ANKRD62: variants seen among roughly 807,000 people sequenced by gnomAD.
ANKRD62 encodes ankyrin repeat domain-containing protein 62.
In ANKRD62, 61 loss-of-function variants were observed where a neutral mutation model predicts 98.8. The ratio of observed to expected loss-of-function variants is 0.62; its 90% CI spans 0.50 to 0.76. The LOEUF is 0.76. Ranked by LOEUF, ANKRD62 falls within the 30% of genes least tolerant of loss-of-function variation. The pLI is 0.00. For missense variants in ANKRD62, 933 were observed against 1,082.9 expected, an observed-to-expected ratio of 0.86 and a Z score of 1.94; for synonymous variants, 341 against 367.9, an observed-to-expected ratio of 0.93 and a Z score of 0.84.
In ANKRD62 at chr18:12,094,109, G is replaced by A. The variant is rs1270987209; in HGVS notation, c.92G>A (p.Gly31Glu). 2.6e-6 allele frequency: 4 copies of A among 1,534,414 alleles called. No homozygotes were observed. In the Admixed American group the frequency reaches 7.9e-5, roughly 30 times the overall value. Residue 31 changes from glycine (G) to glutamate (E), a missense_variant, in exon 1 of 14, where the codon GGG becomes GAG. By Grantham distance (98) the Gly-to-Glu change is moderately conservative (BLOSUM62 -2). Around this residue, in one of 3 missense-constraint regions of ANKRD62, gnomAD observed 549 missense variants for 587.9 expected, o/e 0.93. Transcript: ENST00000587848. Reference protein sequence around the residue: ...NRDKDGFSNPGYRVRQKDLGM... With the variant: ...NRDKDGFSNPEYRVRQKDLGM... ...GACAAGGATGGCTTCTCAAATCCCG[G>A]GTACCGAGTCCGGCAGAAGGATCTG...
chr18:12,163,830 A>G, the ANKRD62 span, among the ~76,000 whole-genome samples: 1 of 152,044 alleles, frequency 6.6e-6, no homozygotes, highest in Non-Finnish European at 1.5e-5. Context: ...TGATTTGCAT[A>G]TGTTGAACCA....
In ANKRD62 at chr18:12,103,200, T is replaced by C. The variant is rs777301351; in HGVS notation, c.863T>C (p.Leu288Pro). 1.5e-6 allele frequency: 2 copies of C among 1,368,730 alleles called. No homozygotes were observed. The highest frequency in any genetic ancestry group is 4.3e-4 in the Middle Eastern group (2 of 4,696). The allele number at this position is 1,368,730 out of a possible 1,614,324, so 84.8% of individuals were successfully genotyped here. A position where few individuals can be genotyped will look rare whatever the true frequency, so the allele number is the denominator to read the frequency against. Reference sequence around the variant, plus strand: ...ACATCAGAGGGAGAGCAAGAAAGGCTTGAAGGATGTGAAAGTAGCCAGCCA... The same window carrying C: ...ACATCAGAGGGAGAGCAAGAAAGGCCTGAAGGATGTGAAAGTAGCCAGCCA... The part of the protein sequence containing the change: ...EMTSEGEQER[L>P]EGCESSQPQV... Residue 288 changes from leucine to proline, a missense_variant, in exon 7 of 14, where the codon CTT becomes CCT. Coordinates refer to ENST00000587848, the MANE Select transcript of ANKRD62 (RefSeq NM_001277333.2).
chr18:12,164,075 G>C, the ANKRD62 span, among the ~76,000 whole-genome samples: 1 of 151,926 alleles, frequency 6.6e-6, no homozygotes. Flanking sequence ...GGTTTGAGTA[G>C]GATTGGTATT....
chr18:12,102,129 A>G (rs1909312547), intron 6 of ANKRD62: 3 of 1,298,628 alleles, frequency 2.3e-6, no homozygotes, highest in South Asian at 1.2e-5. Flanking sequence ...CCCCATGAAC[A>G]TAGTCAGTAA....
the ANKRD62 span, among the ~76,000 whole-genome samples, chr18:12,146,573 G>A: frequency 3.9e-5 from 6 of 152,206 alleles, no homozygotes; most frequent in African/African-American, 1.4e-4. Context: ...AGCCTTCCGA[G>A]CAGCTGGGAC....
In ANKRD62 at chr18:12,128,003, T is replaced by G. The variant is rs1391647970; in HGVS notation, c.*64T>G. On this transcript the variant is annotated 3_prime_UTR_variant, in exon 14 of 14. Coordinates refer to ENST00000587848, the MANE Select transcript of ANKRD62 (RefSeq NM_001277333.2). ...CAGTGGAGAGCTTTCTTTTGTATTT[T>G]CATTATAATTAATTTTATTAAAATT... The G allele has an allele frequency of 8.3e-6, 8 of 966,470 alleles. No homozygotes were observed. The highest frequency in any genetic ancestry group is 1.1e-5 in the Non-Finnish European group (8 of 740,970). The allele number at this position is 966,470 out of a possible 1,614,324, so 59.9% of individuals were successfully genotyped here. A position where few individuals can be genotyped will look rare whatever the true frequency, so the allele number is the denominator to read the frequency against.
downstream of ANKRD62, among the ~76,000 whole-genome samples, chr18:12,133,894 ATTT>A (rs1165506453): frequency 6.6e-6 from 1 of 152,070 alleles, no homozygotes; most frequent in Non-Finnish European, 1.5e-5. Flanking sequence ...TTAGTATCAT[ATTT>A]CTGTATTCCA....
At chr18:12,170,170 A>G in the ANKRD62 span, among the ~76,000 whole-genome samples, 1 of 152,128 alleles carries the variant, frequency 6.6e-6, no homozygotes, top group Non-Finnish European at 1.5e-5. Flanking sequence ...GCCTTCTGCT[A>G]GCTTTTGAAT....
chr18:12,158,999 C>T, the ANKRD62 span, among the ~76,000 whole-genome samples: 259 of 152,194 alleles, frequency 1.7e-3, 2 homozygotes, highest in Admixed American at 3.8e-3. Context: ...CAAAATTCTT[C>T]CTATGCTATT....
chr18:12,178,364 C>T, the ANKRD62 span, among the ~76,000 whole-genome samples: 7 of 147,770 alleles, frequency 4.7e-5, no homozygotes, highest in East Asian at 1.2e-3. Context: ...GGCTGGTGAC[C>T]GGGACCTCTG....
the ANKRD62 span, among the ~76,000 whole-genome samples, chr18:12,164,382 C>G: frequency 6.6e-6 from 1 of 151,710 alleles, no homozygotes; most frequent in Non-Finnish European, 1.5e-5. Context: ...CCTGGGTCTT[C>G]TCCCTTTTTT....
intron 10 of ANKRD62, among the ~76,000 whole-genome samples, chr18:12,115,808 G>T (rs1218152016): frequency 6.6e-6 from 1 of 152,066 alleles, no homozygotes; most frequent in Non-Finnish European, 1.5e-5. Context: ...GGGTCAGGTT[G>T]TCATTATCTT....
chr18:12,097,631 T>C lies in ANKRD62; in HGVS notation c.615-9T>C. On this transcript the variant is annotated splice_polypyrimidine_tract_variant and intron_variant, in intron 4 of 13. Transcript: ENST00000587848. ...GTTCCTAAGCATGAAATTATCTTTC[T>C]TATTTTAGAACAGCCCTGATACTTG... 6.6e-7 allele frequency: 1 copy of C among 1,520,842 alleles called. No individual in the cohort carries two copies. Among genetic ancestry groups the C allele is most frequent in the Non-Finnish European group, 8.8e-7 (1 of 1,140,558 alleles). The allele number at this position is 1,520,842 out of a possible 1,614,324, so 94.2% of individuals were successfully genotyped here.
intron 7 of ANKRD62, among the ~76,000 whole-genome samples, chr18:12,104,117 C>G (rs1909365522): frequency 6.6e-6 from 1 of 151,952 alleles, no homozygotes; most frequent in Non-Finnish European, 1.5e-5. Flanking sequence ...GTGAAGATGC[C>G]TTTGTACTCC....
chr18:12,127,779 A>G lies in ANKRD62; in HGVS notation c.2594A>G (p.Asp865Gly), dbSNP rs776030601. Residue 865 changes from aspartate (D) to glycine (G), a missense_variant, in exon 14 of 14, where the codon GAT becomes GGT. Around this residue, in one of 3 missense-constraint regions of ANKRD62, gnomAD observed 362 missense variants for 434.5 expected, o/e 0.83. Coordinates refer to ENST00000587848, the MANE Select transcript of ANKRD62 (RefSeq NM_001277333.2). Reference sequence around the variant, plus strand: ...AGGAGACAGCTTCAACGAGAAGTGGATGATGCCCTGAACAAACAATTGCTG... The same window carrying G: ...AGGAGACAGCTTCAACGAGAAGTGGGTGATGCCCTGAACAAACAATTGCTG... ...VVRRQLQREV[D>G]DALNKQLLLE... 3.4e-6 allele frequency: 5 copies of G among 1,470,628 alleles called. No homozygotes were observed. The highest frequency in any genetic ancestry group is 8.9e-7 in the Non-Finnish European group (1 of 1,118,156). 91.1% of individuals were successfully genotyped at this position (1,470,628 alleles called of 1,614,324 possible).
downstream of ANKRD62, among the ~76,000 whole-genome samples, chr18:12,133,883 A>ATG (rs1910041621): frequency 6.6e-6 from 1 of 152,058 alleles, no homozygotes; most frequent in Non-Finnish European, 1.5e-5. Context: ...TACTATATAT[A>ATG]TTAGTATCAT....
the ANKRD62 span, among the ~76,000 whole-genome samples, chr18:12,172,795 G>A: frequency 6.6e-6 from 1 of 152,168 alleles, no homozygotes; most frequent in Admixed American, 6.5e-5. Context: ...ACCCACTCAA[G>A]CCTCAGCAAT....
chr18:12,126,003 A>C lies in ANKRD62; in HGVS notation c.2182A>C (p.Lys728Gln). The change falls in exon 13 of 14, where the codon AAA becomes CAA. Residue 728 changes from lysine to glutamine, a missense_variant. Around this residue, in one of 3 missense-constraint regions of ANKRD62, gnomAD observed 362 missense variants for 434.5 expected, o/e 0.83. Transcript: ENST00000587848. Reference sequence around the variant, plus strand: ...GCTCCATTATGAAAGAGAGGCTCTCAAAGAAAAGACGTTGCATATAGAACA... The same window carrying C: ...GCTCCATTATGAAAGAGAGGCTCTCCAAGAAAAGACGTTGCATATAGAACA... ...TELHYEREAL[K>Q]EKTLHIEHMQ... The C allele has an allele frequency of 6.5e-7, 1 of 1,536,732 alleles. No individual in the cohort carries two copies. Among genetic ancestry groups the C allele is most frequent in the Middle Eastern group, 1.7e-4 (1 of 5,992 alleles).
intron 12 of ANKRD62, 112 bp from the exon 13 acceptor site, chr18:12,125,348 G>A (rs1598738337): frequency 9.9e-7 from 1 of 1,006,048 alleles, no homozygotes; most frequent in Non-Finnish European, 1.3e-6. Flanking sequence ...ATATCCAGAT[G>A]GCAACTCTTT....
Sources: gnomAD v4.1 joint callset for allele counts (sites outside exome capture counted in the v4.1 genomes callset) on GRCh38, gnomAD v4.1.1 for gene constraint, gnomAD v4.1.1 regional missense constraint, MANE v1.5 for transcripts, NCBI Gene and HGNC (gene_info 2026-07-23, HGNC 2026-07-21) for gene names.